Variants in PLA2G4A observed in about 807,000 individuals in gnomAD.
PLA2G4A encodes the protein phospholipase A2 group IVA.
Under a neutral mutation model 81.9 loss-of-function variants are expected in PLA2G4A, and 40 were observed. The observed-to-expected ratio is 0.49, with a 90% CI of 0.38 to 0.64. The LOEUF is 0.64. Ranked by LOEUF, PLA2G4A falls within the 30% of genes least tolerant of loss-of-function variation. The pLI is 0.00. For synonymous variants in PLA2G4A, 302 were observed against 296.9 expected (o/e 1.02, Z -0.18); for missense variants, 715 against 905.1 (o/e 0.79, Z 2.69).
intron 2 of PLA2G4A, among the ~76,000 whole-genome samples, chr1:186,858,307 C>A (rs145006013): frequency 1.3e-5 from 2 of 152,062 alleles, no homozygotes; most frequent in African/African-American, 2.4e-5. Flanking sequence ...TTCTAACTGG[C>A]GTGAGATGGT....
chr1:186,931,650 A>G lies in PLA2G4A; in HGVS notation c.559-1113A>G, dbSNP rs144538746. ...TATCTGGCTTCCTTACAACTACTAT[A>G]TCTTATGACTATACAATCTTTTTGG... On this transcript the variant is annotated intron_variant, in intron 7 of 17. Coordinates refer to ENST00000367466, the MANE Select transcript of PLA2G4A (RefSeq NM_024420.3). Among the ~76,000 whole-genome samples, 7 of 151,970 alleles carry G rather than the reference A, an allele frequency of 4.6e-5. No individual in the cohort carries two copies. The East Asian group carries it at 9.7e-4, about 21-fold the overall frequency.
chr1:186,905,879 A>T (rs893876635), intron 5 of PLA2G4A, among the ~76,000 whole-genome samples: 1 of 152,224 alleles, frequency 6.6e-6, no homozygotes, highest in African/African-American at 2.4e-5. Context: ...TACTCATAAA[A>T]TTCAGCACTG....
chr1:186,889,796 C>A (rs187828495), intron 3 of PLA2G4A, among the ~76,000 whole-genome samples: 12 of 152,108 alleles, frequency 7.9e-5, no homozygotes, highest in Middle Eastern at 3.4e-3. Flanking sequence ...TTCTCTCCCC[C>A]CTCCCTCCCT....
chr1:186,830,953 GCTTGCTTTCTTTCTTTCTTTCTTT>G (rs1471876349), intron 1 of PLA2G4A, among the ~76,000 whole-genome samples: 27 of 47,280 alleles, frequency 5.7e-4, no homozygotes, highest in African/African-American at 1.7e-3. Flanking sequence ...TTGCTTGCTT[GCTTGCTTTCTTTCTTTCTTTCTTT>G]CTTTCTTTCT....
At chr1:186,881,340 T>C (rs996186394) in intron 3 of PLA2G4A, among the ~76,000 whole-genome samples, 4 of 152,126 alleles carry the variant, frequency 2.6e-5, no homozygotes, top group African/African-American at 9.6e-5. Context: ...GGAAAGGCAT[T>C]CCACATTTGA....
At chr1:186,874,452 G>A (rs776792954) in intron 3 of PLA2G4A, among the ~76,000 whole-genome samples, 1 of 152,038 alleles carries the variant, frequency 6.6e-6, no homozygotes, top group Non-Finnish European at 1.5e-5. Context: ...TTAGAGCCAT[G>A]TTTCACTCCC....
chr1:186,838,291 CAGAA>C (rs1198286252), intron 1 of PLA2G4A, among the ~76,000 whole-genome samples: 1 of 151,762 alleles, frequency 6.6e-6, no homozygotes, highest in East Asian at 1.9e-4. Context: ...TTTTTAAAGA[CAGAA>C]AGAAAAATTG....
intron 3 of PLA2G4A, among the ~76,000 whole-genome samples, chr1:186,874,537 A>G (rs1410505669): frequency 6.6e-6 from 1 of 152,070 alleles, no homozygotes; most frequent in Non-Finnish European, 1.5e-5. Flanking sequence ...GAGTTTTAGA[A>G]CTATCCTAAT....
rs201975970 is a variant in PLA2G4A, at chr1:186,948,528, AAAG to A, written c.1264+1576_1264+1578del. Among the ~76,000 whole-genome samples, 908 of 151,760 alleles carry A rather than the reference AAAG, an allele frequency of 6.0e-3. 6 individuals carry two copies. Among genetic ancestry groups the A allele is most frequent in the African/African-American group, 0.02 (837 of 41,464 alleles). On this transcript the variant is annotated intron_variant, in intron 12 of 17. Coordinates refer to ENST00000367466, the MANE Select transcript of PLA2G4A (RefSeq NM_024420.3). ...TGTGAAGATTTTAGAAAAAAAAAAAAAAGAAGAAGAAAGAGAAGATCACATATT... is the reference window on the plus strand; with the variant it reads ...TGTGAAGATTTTAGAAAAAAAAAAAAAAGAAGAAAGAGAAGATCACATATT...
intron 7 of PLA2G4A, among the ~76,000 whole-genome samples, chr1:186,928,627 T>G (rs927420709): frequency 3.3e-5 from 5 of 152,216 alleles, no homozygotes; most frequent in African/African-American, 1.2e-4. Context: ...ATCCTGTTGG[T>G]TCTGTTTCTT....
intron 3 of PLA2G4A, among the ~76,000 whole-genome samples, chr1:186,873,506 T>A (rs188403380): frequency 6.6e-6 from 1 of 152,102 alleles, no homozygotes; most frequent in Non-Finnish European, 1.5e-5. Context: ...AATGATAGAT[T>A]ACTATTGGAG....
chr1:186,909,955 A>G (rs1051899505), intron 6 of PLA2G4A, among the ~76,000 whole-genome samples: 26 of 152,252 alleles, frequency 1.7e-4, no homozygotes, highest in African/African-American at 5.8e-4. Context: ...TATATTCCCA[A>G]AATGGATGCA....
In PLA2G4A at chr1:186,955,351, A is replaced by C. The variant is rs73051086; in HGVS notation, c.1337-751A>C. ...TAGCTCTCTCTCCTCATTTTGCAGAAATCCTGAATGTTTGTTAAACAGGGT... is the reference window on the plus strand; with the variant it reads ...TAGCTCTCTCTCCTCATTTTGCAGACATCCTGAATGTTTGTTAAACAGGGT... On this transcript the variant is annotated intron_variant, in intron 13 of 17. Transcript: ENST00000367466. Among the ~76,000 whole-genome samples, 841 of 152,292 alleles carry C rather than the reference A, an allele frequency of 5.5e-3. 6 individuals carry two copies. Among genetic ancestry groups the C allele is most frequent in the African/African-American group, 0.019 (809 of 41,552 alleles).
At chr1:186,852,083 A>G (rs1178756596) in intron 1 of PLA2G4A, among the ~76,000 whole-genome samples, 2 of 151,996 alleles carry the variant, frequency 1.3e-5, no homozygotes, top group Admixed American at 6.6e-5. Flanking sequence ...TATATATCCT[A>G]TCATTCATTC....
At chr1:186,959,535 A>G (rs1656875146) in intron 14 of PLA2G4A, among the ~76,000 whole-genome samples, 1 of 152,160 alleles carries the variant, frequency 6.6e-6, no homozygotes, top group South Asian at 2.1e-4. Context: ...TATATGGGGT[A>G]TTGATTTCAT....
intron 2 of PLA2G4A, among the ~76,000 whole-genome samples, chr1:186,865,851 C>A (rs1653008653): frequency 6.6e-6 from 1 of 152,086 alleles, no homozygotes; most frequent in Non-Finnish European, 1.5e-5. Context: ...AATACAGTAG[C>A]TGTTTTCCTA....
intron 2 of PLA2G4A, among the ~76,000 whole-genome samples, chr1:186,861,485 A>G (rs1652799474): frequency 6.6e-6 from 1 of 152,048 alleles, no homozygotes; most frequent in Non-Finnish European, 1.5e-5. Context: ...TTTTAGGAAA[A>G]TGTTTATTTT....
chr1:186,863,511 T>C (rs1003046206), intron 2 of PLA2G4A, among the ~76,000 whole-genome samples: 1 of 152,186 alleles, frequency 6.6e-6, no homozygotes, highest in Non-Finnish European at 1.5e-5. Context: ...AAAAATCTTC[T>C]CTTCTATTTT....
At chr1:186,933,905 A>G (rs1196623630) in intron 8 of PLA2G4A, among the ~76,000 whole-genome samples, 1 of 152,098 alleles carries the variant, frequency 6.6e-6, no homozygotes, top group Non-Finnish European at 1.5e-5. Context: ...GGACATCTAT[A>G]TATTTTACAG....
Sources: gnomAD v4.1 joint callset for allele counts (sites outside exome capture counted in the v4.1 genomes callset) on GRCh38, gnomAD v4.1.1 for gene constraint, MANE v1.5 for transcripts, NCBI Gene and HGNC (gene_info 2026-07-23, HGNC 2026-07-21) for gene names.